LITAF: variants seen among roughly 807,000 people sequenced by gnomAD.
The protein encoded by LITAF is lipopolysaccharide-induced tumor necrosis factor-alpha factor.
In LITAF, 9 loss-of-function variants were observed where a neutral mutation model predicts 14.5. The ratio of observed to expected loss-of-function variants is 0.62; its 90% confidence interval spans 0.37 to 1.08. The LOEUF (loss-of-function observed/expected upper bound fraction) is 1.08, where lower values mean the gene tolerates loss of function less well. Ranked by LOEUF, LITAF falls within the 50% of genes least tolerant of loss-of-function variation. The pLI, the probability that LITAF is intolerant of heterozygous loss-of-function variation, is 0.01. For missense variants in LITAF, 206 were observed against 213.4 expected (o/e 0.97, Z 0.22); for synonymous variants, 98 against 88.2 (o/e 1.11, Z -0.62).
chr16:11,617,640 T>C (rs1567265173), intron 3 of LITAF, among the ~76,000 whole-genome samples: 1 of 151,822 alleles, frequency 6.6e-6, no homozygotes. Context: ...TTGGCCAGAC[T>C]GGTCTCGAAC....
At chr16:11,614,298 C>CTTTT (rs34958536) in intron 3 of LITAF, among the ~76,000 whole-genome samples, 11 of 134,940 alleles carry the variant, frequency 8.2e-5, no homozygotes, top group South Asian at 2.3e-4. Context: ...TTTTTCTTTT[C>CTTTT]TTTTTTTTTT....
In LITAF at chr16:11,548,523, G is replaced by A. The variant is rs778141655; in HGVS notation, c.*1114C>T. 2 of 453,798 alleles carry A rather than the reference G, an allele frequency of 4.4e-6. No homozygotes were observed. Among genetic ancestry groups the A allele is most frequent in the South Asian group, 1.6e-5 (1 of 64,448 alleles). 28.1% of individuals were successfully genotyped at this position (453,798 alleles called of 1,614,324 possible). A position where few individuals can be genotyped will look rare whatever the true frequency, so the allele number is the denominator to read the frequency against. ...GACCCCACTCTGAGAGTTCCATGAT[G>A]AAGGTGTTTAAGAATCACATTAACC... On this transcript the variant is annotated 3_prime_UTR_variant, in exon 4 of 4. Coordinates refer to ENST00000622633, the MANE Select transcript of LITAF (RefSeq NM_001136472.2).
intron 1 of LITAF, among the ~76,000 whole-genome samples, chr16:11,572,926 C>T (rs917479706): frequency 8.2e-6 from 1 of 121,506 alleles, no homozygotes; most frequent in African/African-American, 3.4e-5. Flanking sequence ...CTGCACATCT[C>T]AAGCTCTTTT....
intron 1 of LITAF, among the ~76,000 whole-genome samples, chr16:11,585,505 T>C (rs923676014): frequency 8.5e-5 from 13 of 152,072 alleles, no homozygotes; most frequent in African/African-American, 2.9e-4. Context: ...CTATGCCAGG[T>C]AAAGCAAGTC....
chr16:11,608,462 A>C (rs2064965800), intron 3 of LITAF, among the ~76,000 whole-genome samples: 1 of 152,224 alleles, frequency 6.6e-6, no homozygotes, highest in Non-Finnish European at 1.5e-5. Flanking sequence ...CTCCCACAAG[A>C]ATTGAAAACC....
intron 1 of LITAF, among the ~76,000 whole-genome samples, chr16:11,585,221 AC>A (rs1392374432): frequency 7.0e-6 from 1 of 142,234 alleles, no homozygotes; most frequent in Non-Finnish European, 1.5e-5. Context: ...CGACAGTGAG[AC>A]TCTGTCTCAA....
chr16:11,618,618 T>C (rs923060506), intron 3 of LITAF, among the ~76,000 whole-genome samples: 1 of 152,074 alleles, frequency 6.6e-6, no homozygotes, highest in African/African-American at 2.4e-5. Context: ...CCACTGGCCA[T>C]TGTCCCCGCC....
upstream of LITAF, chr16:11,598,540 T>G (rs1033987841): frequency 6.6e-6 from 1 of 152,084 alleles, no homozygotes; most frequent in African/African-American, 2.4e-5. Context: ...GTCGTGCCTG[T>G]GGGTACCGGG....
upstream of LITAF, among the ~76,000 whole-genome samples, chr16:11,599,334 T>C (rs193300009): frequency 4.3e-3 from 651 of 152,244 alleles, 3 homozygotes; most frequent in Non-Finnish European, 7.3e-3. Flanking sequence ...GCCAAGCTGG[T>C]CTCGAACTCC....
chr16:11,617,634 C>T (rs1050371420), intron 3 of LITAF, among the ~76,000 whole-genome samples: 1 of 151,594 alleles, frequency 6.6e-6, no homozygotes, highest in Non-Finnish European at 1.5e-5. Context: ...ACCATATTGG[C>T]CAGACTGGTC....
chr16:11,589,619 CT>C (rs60950577), upstream of LITAF, among the ~76,000 whole-genome samples: 4,306 of 103,850 alleles, frequency 0.041, 126 homozygotes, highest in African/African-American at 0.13. Flanking sequence ...AAATCAGTTG[CT>C]TTTTTTTTTT....
upstream of LITAF, among the ~76,000 whole-genome samples, chr16:11,588,202 A>G (rs2064826496): frequency 6.6e-6 from 1 of 152,124 alleles, no homozygotes; most frequent in South Asian, 2.1e-4. Context: ...ACTGCTTTTA[A>G]AATATGAAGG....
upstream of LITAF, among the ~76,000 whole-genome samples, chr16:11,588,805 C>T (rs1025785937): frequency 6.6e-6 from 1 of 151,974 alleles, no homozygotes; most frequent in African/African-American, 2.4e-5. Context: ...TGTATGAATG[C>T]TTTTCTTCCT....
Position 11,586,793 on chromosome 16 carries a change from C to T in LITAF, c.-6+93G>A, listed in dbSNP as rs1228195995. On this transcript the variant is annotated intron_variant, in intron 1 of 3. Transcript: ENST00000622633. The surrounding 1 kb of genome is among the most constrained non-coding windows in gnomAD (Gnocchi z 6.5). ...TCCCAGGAGGCCCCAGCCAAGGGCT[C>T]AGTGCCCGGGGCCCCCAGCAGGTGC... The T allele has an allele frequency of 6.6e-6, 1 of 151,856 alleles. No homozygotes were observed. The highest frequency in any genetic ancestry group is 1.5e-5 in the Non-Finnish European group (1 of 67,776). 9.4% of individuals were successfully genotyped at this position (151,856 alleles called of 1,614,324 possible). A position where few individuals can be genotyped will look rare whatever the true frequency, so the allele number is the denominator to read the frequency against.
At position 11,555,142 on chromosome 16, in the gene LITAF, C is replaced by A. The variant is rs1374834240; in HGVS notation, c.220+1369G>T. On this transcript the variant is annotated intron_variant, in intron 2 of 3. Coordinates refer to ENST00000622633, the MANE Select transcript of LITAF (RefSeq NM_001136472.2). ...CAACCTCCTGGGCTTAAGCAATCCT[C>A]CCACCTCAGCCTCCCAAGTAGCTGG... Among the ~76,000 whole-genome samples, 12 of 152,034 alleles carry A rather than the reference C, an allele frequency of 7.9e-5. No individual in the cohort carries two copies. In the East Asian group the frequency reaches 2.3e-3, roughly 29 times the overall value.
At chr16:11,635,648 T>G (rs540951130) in intron 2 of LITAF, among the ~76,000 whole-genome samples, 1 of 152,328 alleles carries the variant, frequency 6.6e-6, no homozygotes, top group Admixed American at 6.5e-5. Flanking sequence ...TATCTGTCTC[T>G]CTGACCAAGG....
chr16:11,633,489 T>C (rs926468934), intron 3 of LITAF: 1 of 152,132 alleles, frequency 6.6e-6, no homozygotes, highest in Non-Finnish European at 1.5e-5. Context: ...CTAAATACTT[T>C]GCTGATAAAA....
intron 1 of LITAF, among the ~76,000 whole-genome samples, chr16:11,557,429 T>G (rs576546486): frequency 2.0e-5 from 3 of 152,126 alleles, no homozygotes; most frequent in Non-Finnish European, 4.4e-5. Context: ...TATACTTTTT[T>G]GTATGTGTGT....
At chr16:11,573,701 C>CTTT (rs58695999) in intron 1 of LITAF, among the ~76,000 whole-genome samples, 13 of 111,888 alleles carry the variant, frequency 1.2e-4, no homozygotes, top group East Asian at 2.6e-4. Flanking sequence ...AGAAGATATC[C>CTTT]TTTTTTTTTT....
Sources: allele counts gnomAD v4.1 joint callset (sites outside exome capture counted in the v4.1 genomes callset), GRCh38; gene constraint gnomAD v4.1.1; non-coding constraint Gnocchi (gnomAD v3.1); transcripts MANE v1.5; gene names NCBI Gene and HGNC (gene_info 2026-07-23, HGNC 2026-07-21).